The following TTPA variants were observed in gnomAD, a reference collection of about 807,000 sequenced individuals.
TTPA encodes alpha tocopherol transfer protein.
Under a neutral mutation model 25.9 loss-of-function variants are expected in TTPA, and 23 were observed. The observed-to-expected ratio is 0.89, with a 90% CI of 0.64 to 1.26. The LOEUF (loss-of-function observed/expected upper bound fraction) is 1.26. Among genes scored for constraint, TTPA ranks in the 50% most tolerant of loss-of-function variants. The pLI is 0.00. For missense variants in TTPA, 337 were observed against 353.1 expected, an observed-to-expected ratio of 0.95 and a Z score of 0.37; for synonymous variants, 148 against 137.3, an observed-to-expected ratio of 1.08 and a Z score of -0.54.
At chr8:63,077,048 T>C (rs946818612) in intron 1 of TTPA, among the ~76,000 whole-genome samples, 1 of 152,080 alleles carries the variant, frequency 6.6e-6, no homozygotes, top group Non-Finnish European at 1.5e-5. Flanking sequence ...TTTGATTACA[T>C]TAAAATTTAA....
intron 1 of TTPA, among the ~76,000 whole-genome samples, chr8:63,074,354 C>T (rs1269025429): frequency 6.6e-6 from 1 of 152,164 alleles, no homozygotes. Flanking sequence ...TGCTCTGCTC[C>T]CCCTCACCCC....
Position 63,066,035 on chromosome 8 carries a change from C to T in TTPA, c.421G>A (p.Glu141Lys), listed in dbSNP as rs397515524. Residue 141 changes from glutamate to lysine, a missense_variant, in exon 3 of 5, where the codon GAG becomes AAG. Physicochemically the swap from Glu to Lys is moderately conservative, Grantham distance 56. Transcript: ENST00000260116. ...DVFRVSLITS[E>K]LIVQEVETQR... ...GTTTCTACCTCCTGTACAATAAGCT[C>T]GGATGTGATTAGACTTACTCGAAAT... 17 of 1,613,758 alleles carry T rather than the reference C, an allele frequency of 1.1e-5. No individual in the cohort carries two copies. Among genetic ancestry groups the T allele is most frequent in the Non-Finnish European group, 1.1e-5 (13 of 1,179,974 alleles).
rs1563678095 is a variant in TTPA, at chr8:63,061,436, C to T, written c.664-11G>A. On this transcript the variant is annotated splice_polypyrimidine_tract_variant and intron_variant, in intron 4 of 4. Transcript: ENST00000260116. ...CCCATGCATGTGAATCTGAAATAGC[C>T]AAAACACTTTAGAAGGAAACCGCAT... The T allele has an allele frequency of 6.2e-6, 10 of 1,613,448 alleles. 1 individual carries two copies. The South Asian group carries it at 1.1e-4, about 18-fold the overall frequency.
intron 2 of TTPA, among the ~76,000 whole-genome samples, chr8:63,067,833 T>G (rs1302195954): frequency 6.6e-6 from 1 of 152,192 alleles, no homozygotes; most frequent in Non-Finnish European, 1.5e-5. Context: ...ACACCCAGTG[T>G]TTAGCTCCTA....
intron 4 of TTPA, among the ~76,000 whole-genome samples, chr8:63,061,655 T>C (rs1805309102): frequency 6.6e-6 from 1 of 152,354 alleles, no homozygotes; most frequent in East Asian, 1.9e-4. Context: ...TATAACTGCA[T>C]AAAATTTATA....
In TTPA at chr8:63,064,254, A is replaced by G; in HGVS notation, c.615T>C (p.Ala205=). ...GGAATGGTTTGATCATGGAAAAGACAGCATGGAAAATTACTGGTTCATTTA... is the reference window on the plus strand; with the variant it reads ...GGAATGGTTTGATCATGGAAAAGACGGCATGGAAAATTACTGGTTCATTTA... ...HLINEPVIFH[A]VFSMIKPFLT... Residue 205 remains alanine (A), a synonymous_variant, in exon 4 of 5, where the codon GCT becomes GCC. Coordinates refer to ENST00000260116, the MANE Select transcript of TTPA (RefSeq NM_000370.3). 1 of 1,613,330 alleles carries G rather than the reference A, an allele frequency of 6.2e-7. No individual in the cohort carries two copies. Among genetic ancestry groups the G allele is most frequent in the Non-Finnish European group, 8.5e-7 (1 of 1,179,540 alleles).
At position 63,075,498 on chromosome 8, in the gene TTPA, T is replaced by C. The variant is rs532153573; in HGVS notation, c.205-2410A>G. Reference sequence around the variant, plus strand: ...ACTTTGGGAGGCCAAAACGGATGGATCACGAGGTCAAGAGATCAAGACCAT... The same window carrying C: ...ACTTTGGGAGGCCAAAACGGATGGACCACGAGGTCAAGAGATCAAGACCAT... On this transcript the variant is annotated intron_variant, in intron 1 of 4. Coordinates refer to ENST00000260116, the MANE Select transcript of TTPA (RefSeq NM_000370.3). Among the ~76,000 whole-genome samples, 19 of 151,964 alleles carry C rather than the reference T, an allele frequency of 1.3e-4. No individual in the cohort carries two copies. In the East Asian group the frequency reaches 2.7e-3, roughly 22 times the overall value.
At position 63,065,248 on chromosome 8, in the gene TTPA, C is replaced by A. The variant is rs545896559; in HGVS notation, c.552+656G>T. Among the ~76,000 whole-genome samples, 5 of 152,262 alleles carry A rather than the reference C, an allele frequency of 3.3e-5. No homozygotes were observed. In the East Asian group the frequency reaches 9.6e-4, roughly 29 times the overall value. On this transcript the variant is annotated intron_variant, in intron 3 of 4. Transcript: ENST00000260116. ...TTCAGGTGACCTGGGCTGGAATTCTCACTTCACTACTGGCAAACTGTGTGT... is the reference window on the plus strand; with the variant it reads ...TTCAGGTGACCTGGGCTGGAATTCTAACTTCACTACTGGCAAACTGTGTGT...
chr8:63,076,582 C>T (rs1805565420), intron 1 of TTPA, among the ~76,000 whole-genome samples: 1 of 152,156 alleles, frequency 6.6e-6, no homozygotes, highest in African/African-American at 2.4e-5. Flanking sequence ...ACAATGAAAA[C>T]AATTCCTTAT....
intron 3 of TTPA, 25 bp from the exon 4 acceptor site, chr8:63,064,341 T>C (rs1211058578): frequency 6.7e-7 from 1 of 1,496,760 alleles, no homozygotes; most frequent in Admixed American, 1.7e-5. Flanking sequence ...AAAATCTTAA[T>C]AACAAAACAT....
At chr8:63,083,315 G>A (rs1209168219) in intron 1 of TTPA, among the ~76,000 whole-genome samples, 4 of 152,188 alleles carry the variant, frequency 2.6e-5, no homozygotes, top group African/African-American at 9.7e-5. Flanking sequence ...CCATAAAGAA[G>A]GATGAGTTCA....
chr8:63,080,741 AAT>A lies in TTPA; in HGVS notation c.204+5075_204+5076del, dbSNP rs1469919255. On this transcript the variant is annotated intron_variant, in intron 1 of 4. Coordinates refer to ENST00000260116, the MANE Select transcript of TTPA (RefSeq NM_000370.3). ...TATCAAAAAAAAAAAAAAAATAAAT[AAT>A]AATAATAATAAAGAAGAAAAGAGAG... Among the ~76,000 whole-genome samples, 264 of 148,240 alleles carry A rather than the reference AAT, an allele frequency of 1.8e-3. 1 individual carries two copies. Among genetic ancestry groups the A allele is most frequent in the African/African-American group, 6.1e-3 (242 of 39,848 alleles).
In TTPA at chr8:63,059,947, C is replaced by T. The variant is rs958631985; in HGVS notation, c.*1305G>A. 8 of 152,186 alleles carry T rather than the reference C, an allele frequency of 5.3e-5. No individual in the cohort carries two copies. The highest frequency in any genetic ancestry group is 9.7e-5 in the African/African-American group (4 of 41,438). 9.4% of individuals were successfully genotyped at this position (152,186 alleles called of 1,614,324 possible). On this transcript the variant is annotated 3_prime_UTR_variant, in exon 5 of 5. Transcript: ENST00000260116. ...GCTCAAGCAATCATCCATCCAGCCT[C>T]GGCCTCCCAAAGTGCTGGGATTACA...
chr8:63,059,002 G>T (rs1402014242), downstream of TTPA, among the ~76,000 whole-genome samples: 3 of 130,524 alleles, frequency 2.3e-5, no homozygotes, highest in South Asian at 5.1e-4. Context: ...GTGTTTTTTA[G>T]AAAACAGGCA....
intron 4 of TTPA, among the ~76,000 whole-genome samples, chr8:63,062,055 C>T (rs1476661570): frequency 6.6e-6 from 1 of 151,658 alleles, no homozygotes; most frequent in African/African-American, 2.4e-5. Flanking sequence ...ATTAGCTGGG[C>T]GTGGTGGTGC....
chr8:63,081,462 C>CA (rs568482629), intron 1 of TTPA, among the ~76,000 whole-genome samples: 170 of 152,202 alleles, frequency 1.1e-3, no homozygotes, highest in African/African-American at 4.0e-3. Context: ...TAAAGACTGT[C>CA]AAAAAACTAG....
chr8:63,069,310 A>G (rs1805446371), intron 2 of TTPA, among the ~76,000 whole-genome samples: 1 of 151,842 alleles, frequency 6.6e-6, no homozygotes, highest in Non-Finnish European at 1.5e-5. Flanking sequence ...AAAAAAGAAC[A>G]TATGAAGTTT....
chr8:63,083,636 A>T (rs1405756961), intron 1 of TTPA, among the ~76,000 whole-genome samples: 10 of 60,870 alleles, frequency 1.6e-4, no homozygotes, highest in South Asian at 1.1e-3. Context: ...AAAGTATAAT[A>T]AAAAAAAAAA....
At chr8:63,076,466 T>C (rs1199380165) in intron 1 of TTPA, among the ~76,000 whole-genome samples, 1 of 152,180 alleles carries the variant, frequency 6.6e-6, no homozygotes, top group South Asian at 2.1e-4. Context: ...TTCCTTTTCC[T>C]TTCCAGTTGG....
Sources: allele counts gnomAD v4.1 joint callset (sites outside exome capture counted in the v4.1 genomes callset), GRCh38; gene constraint gnomAD v4.1.1; transcripts MANE v1.5; gene names NCBI Gene and HGNC (gene_info 2026-07-23, HGNC 2026-07-21).